The following PTPRM variants were observed in gnomAD, a reference collection of about 807,000 sequenced individuals.
PTPRM encodes receptor-type tyrosine-protein phosphatase mu.
Under a neutral mutation model 186.7 loss-of-function variants are expected in PTPRM, and 47 were observed. That is an observed-to-expected ratio of 0.25 (90% CI 0.20 to 0.32). PTPRM has a LOEUF of 0.32. Among genes scored for constraint, PTPRM ranks in the 10% least tolerant of loss-of-function variants. The probability of loss-of-function intolerance (pLI) is 1.00; values close to 1 mark genes in which losing one functional copy is unlikely to be tolerated. For missense variants in PTPRM, 1,494 were observed against 1,865.0 expected, an observed-to-expected ratio of 0.80 and a Z score of 3.66; for synonymous variants, 668 against 674.9, an observed-to-expected ratio of 0.99 and a Z score of 0.16.
chr18:8,237,844 C>T (rs1174844682), intron 14 of PTPRM, among the ~76,000 whole-genome samples: 1 of 152,082 alleles, frequency 6.6e-6, no homozygotes, highest in Non-Finnish European at 1.5e-5. Context: ...TGGCTTTTTC[C>T]TTCAACATAA....
intron 17 of PTPRM, among the ~76,000 whole-genome samples, chr18:8,248,592 A>G (rs2094498958): frequency 6.6e-6 from 1 of 152,194 alleles, no homozygotes; most frequent in African/African-American, 2.4e-5. Context: ...ACTTATTGCT[A>G]AGCACTAAAA....
chr18:7,956,581 C>T (rs193153383), intron 7 of PTPRM, among the ~76,000 whole-genome samples: 1 of 152,208 alleles, frequency 6.6e-6, no homozygotes, highest in African/African-American at 2.4e-5. Flanking sequence ...GTTTCTCAGA[C>T]CCCACATCTG....
In PTPRM at chr18:8,061,425, T is replaced by G. The variant is rs191807115; in HGVS notation, c.1133-8261T>G. Among the ~76,000 whole-genome samples, 33 of 136,770 alleles carry G rather than the reference T, an allele frequency of 2.4e-4. 1 individual carries two copies. The highest frequency in any genetic ancestry group is 2.0e-3 in the Admixed American group (27 of 13,710). 89.7% of individuals were successfully genotyped at this position (136,770 alleles called of 152,430 possible). A position where few individuals can be genotyped will look rare whatever the true frequency, so the allele number is the denominator to read the frequency against. ...CTCTTAGATCCAACTTGCCAGTGTG[T>G]GTCTTTTAATTGGAGAATTTAGTCC... On this transcript the variant is annotated intron_variant, in intron 7 of 32. Transcript: ENST00000580170.
At chr18:8,116,274 C>T (rs1268606199) in intron 13 of PTPRM, among the ~76,000 whole-genome samples, 1 of 152,156 alleles carries the variant, frequency 6.6e-6, no homozygotes, top group East Asian at 1.9e-4. Context: ...GTTCCAGGGC[C>T]CCTAGTTTAT....
intron 19 of PTPRM, among the ~76,000 whole-genome samples, chr18:8,261,314 A>C (rs2094629157): frequency 6.6e-6 from 1 of 152,198 alleles, no homozygotes; most frequent in South Asian, 2.1e-4. Context: ...CTGTGTCTCC[A>C]ATGGCTGAAG....
At chr18:8,133,361 CTTCT>C (rs2092560187) in intron 13 of PTPRM, among the ~76,000 whole-genome samples, 1 of 152,152 alleles carries the variant, frequency 6.6e-6, no homozygotes, top group Non-Finnish European at 1.5e-5. Context: ...AAACATCTTC[CTTCT>C]TTCTTAGCAT....
intron 5 of PTPRM, among the ~76,000 whole-genome samples, chr18:7,945,251 A>C (rs1240140984): frequency 6.6e-6 from 1 of 151,286 alleles, no homozygotes; most frequent in African/African-American, 2.4e-5. Flanking sequence ...CAGGAGATTG[A>C]GACCATCCTG....
intron 9 of PTPRM, among the ~76,000 whole-genome samples, chr18:8,082,015 C>G (rs558616880): frequency 5.9e-5 from 9 of 152,132 alleles, no homozygotes; most frequent in Admixed American, 5.9e-4. Context: ...GCTGGAACAA[C>G]AAGTCCCTTA....
intron 2 of PTPRM, among the ~76,000 whole-genome samples, chr18:7,839,188 C>T (rs915334431): frequency 5.9e-5 from 9 of 152,174 alleles, no homozygotes; most frequent in South Asian, 2.1e-4. Flanking sequence ...CCACTGTGCC[C>T]GAGGTGGTAC....
At chr18:7,646,372 C>T (rs1483754969) in intron 1 of PTPRM, among the ~76,000 whole-genome samples, 1 of 152,168 alleles carries the variant, frequency 6.6e-6, no homozygotes, top group African/African-American at 2.4e-5. Flanking sequence ...ATGGACATTG[C>T]TGGTGGTGGT....
intron 1 of PTPRM, among the ~76,000 whole-genome samples, chr18:7,700,804 A>G (rs2039943280): frequency 6.6e-6 from 1 of 151,784 alleles, no homozygotes; most frequent in East Asian, 2.0e-4. Context: ...TAGCCTAGGC[A>G]ATATGGCGAA....
At chr18:8,080,085 C>G (rs2090044711) in intron 9 of PTPRM, among the ~76,000 whole-genome samples, 1 of 152,090 alleles carries the variant, frequency 6.6e-6, no homozygotes, top group African/African-American at 2.4e-5. Context: ...GTTTAAATTT[C>G]TATAATATCA....
At chr18:8,328,253 CGGTAGTG>C (rs1404930500) in intron 22 of PTPRM, among the ~76,000 whole-genome samples, 4 of 152,170 alleles carry the variant, frequency 2.6e-5, no homozygotes, top group African/African-American at 9.7e-5. Flanking sequence ...CAAGCCATTC[CGGTAGTG>C]GAGGGTTCTC....
intron 3 of PTPRM, among the ~76,000 whole-genome samples, chr18:7,896,323 C>T (rs1221842797): frequency 6.6e-6 from 1 of 152,140 alleles, no homozygotes; most frequent in African/African-American, 2.4e-5. Context: ...CTGTTTCCCA[C>T]CCCTACACCC....
intron 1 of PTPRM, among the ~76,000 whole-genome samples, chr18:7,713,469 C>A (rs2040255312): frequency 6.6e-6 from 1 of 152,026 alleles, no homozygotes; most frequent in African/African-American, 2.4e-5. Context: ...AACTAACGGG[C>A]AAAATAACAC....
chr18:7,940,104 C>T (rs894463353), intron 5 of PTPRM, among the ~76,000 whole-genome samples: 4 of 152,140 alleles, frequency 2.6e-5, no homozygotes, highest in Non-Finnish European at 2.9e-5. Context: ...CTGGCCATCA[C>T]TCCCCACACT....
At chr18:7,596,104 G>A (rs2037251239) in intron 1 of PTPRM, among the ~76,000 whole-genome samples, 1 of 152,174 alleles carries the variant, frequency 6.6e-6, no homozygotes, top group Non-Finnish European at 1.5e-5. Context: ...ATCAACCCCA[G>A]TCTGAAGCTA....
chr18:7,938,933 A>G (rs955265687), intron 5 of PTPRM, among the ~76,000 whole-genome samples: 1 of 152,196 alleles, frequency 6.6e-6, no homozygotes, highest in East Asian at 1.9e-4. Context: ...GTTTTAGTAC[A>G]GTACTCCAAA....
intron 1 of PTPRM, among the ~76,000 whole-genome samples, chr18:7,658,359 T>TATATATATATAC (rs1491198247): frequency 1.5e-5 from 2 of 136,666 alleles, no homozygotes; most frequent in African/African-American, 5.9e-5. Context: ...TATATATATA[T>TATATATATATAC]ACATACACAC....
Sources: gnomAD v4.1 joint callset for allele counts (sites outside exome capture counted in the v4.1 genomes callset) on GRCh38, gnomAD v4.1.1 for gene constraint, MANE v1.5 for transcripts, NCBI Gene and HGNC (gene_info 2026-07-23, HGNC 2026-07-21) for gene names.